Variants in SH3RF1 observed in about 807,000 individuals in gnomAD.
SH3RF1 encodes the protein E3 ubiquitin-protein ligase SH3RF1.
Under a neutral mutation model 74.0 loss-of-function variants are expected in SH3RF1, and 32 were observed. The observed-to-expected ratio is 0.43, with a 90% CI of 0.33 to 0.58. The LOEUF (loss-of-function observed/expected upper bound fraction) is 0.58. SH3RF1 is among the 20% of genes least tolerant of loss of function. The pLI is 0.05. For synonymous variants in SH3RF1, 396 were observed against 439.6 expected (o/e 0.90, Z 1.24); for missense variants, 954 against 1,130.9 (o/e 0.84, Z 2.24).
intron 2 of SH3RF1, among the ~76,000 whole-genome samples, chr4:169,262,701 C>T (rs1231814927): frequency 6.6e-6 from 1 of 151,982 alleles, no homozygotes; most frequent in African/African-American, 2.4e-5. Flanking sequence ...AACACTTGAC[C>T]CCAGAAAGCT....
At chr4:169,101,869 C>A (rs1733042802) in intron 11 of SH3RF1, among the ~76,000 whole-genome samples, 1 of 151,960 alleles carries the variant, frequency 6.6e-6, no homozygotes, top group Non-Finnish European at 1.5e-5. Flanking sequence ...TGATAACTGC[C>A]AAGGTACAAT....
chr4:169,119,104 T>TA (rs1733394004), intron 8 of SH3RF1, among the ~76,000 whole-genome samples: 1 of 151,720 alleles, frequency 6.6e-6, no homozygotes, highest in South Asian at 2.1e-4. Context: ...AACAAACAGA[T>TA]AGATTTTTTT....
intron 2 of SH3RF1, among the ~76,000 whole-genome samples, chr4:169,215,700 T>C (rs1443579115): frequency 6.6e-6 from 1 of 152,204 alleles, no homozygotes; most frequent in African/African-American, 2.4e-5. Context: ...CTCAGAAACA[T>C]CAAATTCACA....
At chr4:169,185,434 A>AAAAC (rs756424942) in intron 2 of SH3RF1, among the ~76,000 whole-genome samples, 1 of 152,218 alleles carries the variant, frequency 6.6e-6, no homozygotes, top group Non-Finnish European at 1.5e-5. Flanking sequence ...CAGAAAAAAC[A>AAAAC]AAACAAACAA....
intron 2 of SH3RF1, among the ~76,000 whole-genome samples, chr4:169,231,670 T>C (rs933262635): frequency 1.3e-5 from 2 of 152,202 alleles, no homozygotes; most frequent in Non-Finnish European, 2.9e-5. Flanking sequence ...AAAGCTGCTA[T>C]AGAATACTCA....
At chr4:169,138,080 G>A (rs895530431) in intron 4 of SH3RF1, among the ~76,000 whole-genome samples, 1 of 152,194 alleles carries the variant, frequency 6.6e-6, no homozygotes, top group Non-Finnish European at 1.5e-5. Flanking sequence ...TGTGTTTAGG[G>A]ATGAAAATGA....
chr4:169,226,435 A>G (rs1476275287), intron 2 of SH3RF1, among the ~76,000 whole-genome samples: 2 of 152,140 alleles, frequency 1.3e-5, no homozygotes, highest in African/African-American at 4.8e-5. Flanking sequence ...AGCAGTGAAA[A>G]GCAAAATACA....
intron 2 of SH3RF1, among the ~76,000 whole-genome samples, chr4:169,246,490 A>G (rs916035079): frequency 5.3e-5 from 8 of 152,254 alleles, no homozygotes; most frequent in African/African-American, 1.7e-4. Context: ...CTTAATGGCC[A>G]AAAAATTCAC....
intron 11 of SH3RF1, among the ~76,000 whole-genome samples, chr4:169,103,316 T>C (rs1733073927): frequency 1.3e-5 from 2 of 152,112 alleles, no homozygotes; most frequent in Admixed American, 6.5e-5. Context: ...AATCTGTAGA[T>C]GAATCCTACC....
At chr4:169,119,941 C>A (rs146684405) in intron 8 of SH3RF1, among the ~76,000 whole-genome samples, 2 of 152,142 alleles carry the variant, frequency 1.3e-5, no homozygotes, top group Admixed American at 1.3e-4. Context: ...TCCTCAGTGA[C>A]CAAAAGCTGA....
In SH3RF1 at chr4:169,156,662, T is replaced by C. The variant is rs764001379; in HGVS notation, c.411A>G (p.Pro137=). 6.8e-6 allele frequency: 11 copies of C among 1,611,448 alleles called. No individual in the cohort carries two copies. In the Admixed American group the frequency reaches 1.0e-4, roughly 15 times the overall value. ...SPPVRGIPQL[P]CAKALYNYEG... ...CATAGTTGTATAATGCTTTGGCACA[T>C]GGTAACTGAGGTATACCCTTTAAAA... is the stretch of plus-strand genomic sequence containing the variant. The change falls in exon 3 of 12, where the codon CCA becomes CCG. Residue 137 remains proline, a synonymous_variant. Coordinates refer to ENST00000284637, the MANE Select transcript of SH3RF1 (RefSeq NM_020870.4).
Position 169,107,148 on chromosome 4 carries a change from G to T in SH3RF1, c.2197C>A (p.Arg733Ser). The T allele has an allele frequency of 5.0e-6, 8 of 1,594,208 alleles. No individual in the cohort carries two copies. The highest frequency in any genetic ancestry group is 6.8e-6 in the Non-Finnish European group (8 of 1,170,732). The stretch of plus-strand genomic sequence containing the variant: ...GTGGGCGATGCTGGAGGAGACACGC[G>T]GGGCTTCCGTTTAGTGGAGGCGCCA... ...LSGASTKRKP[R>S]VSPPASPTLE... Residue 733 changes from arginine (R) to serine (S), a missense_variant, in exon 11 of 12, where the codon CGC becomes AGC. Around this residue, in one of 3 missense-constraint regions of SH3RF1, gnomAD observed 854 missense variants for 962.5 expected, o/e 0.89. Transcript: ENST00000284637.
intron 10 of SH3RF1, among the ~76,000 whole-genome samples, chr4:169,115,511 C>A (rs193136333): frequency 4.6e-5 from 7 of 152,264 alleles, no homozygotes; most frequent in Non-Finnish European, 8.8e-5. Flanking sequence ...GCCTGAGGAT[C>A]TGTCACTGTC....
At chr4:169,208,490 A>G (rs1457688595) in intron 2 of SH3RF1, among the ~76,000 whole-genome samples, 1 of 152,236 alleles carries the variant, frequency 6.6e-6, no homozygotes, top group Non-Finnish European at 1.5e-5. Flanking sequence ...AATGTTTCTT[A>G]AAAATATGAG....
At chr4:169,252,405 A>G (rs1374915008) in intron 2 of SH3RF1, among the ~76,000 whole-genome samples, 1 of 152,236 alleles carries the variant, frequency 6.6e-6, no homozygotes, top group Non-Finnish European at 1.5e-5. Flanking sequence ...CCATAGGATC[A>G]GCTTTTAAAA....
intron 5 of SH3RF1, among the ~76,000 whole-genome samples, chr4:169,135,368 C>A (rs942616244): frequency 3.3e-5 from 5 of 151,964 alleles, no homozygotes; most frequent in Admixed American, 6.6e-5. Flanking sequence ...GAAAAAAAAA[C>A]CACCATAGCT....
Position 169,116,484 on chromosome 4 carries a change from T to C in SH3RF1, c.1924A>G (p.Thr642Ala), listed in dbSNP as rs1378446878. ...CTGATACTGATGGCAGCAGTGTGCG[T>C]GGCTGAGCCTGGCATCAGAGGCGCA... ...QPAPLMPGSA[T>A]HTAAISISRA... Residue 642 changes from threonine (T) to alanine (A), a missense_variant, in exon 10 of 12, where the codon ACG (threonine) becomes GCG (alanine). Transcript: ENST00000284637. 1 of 1,613,632 alleles carries C rather than the reference T, an allele frequency of 6.2e-7. No homozygotes were observed. Among genetic ancestry groups the C allele is most frequent in the East Asian group, 2.2e-5 (1 of 44,884 alleles).
At chr4:169,178,512 T>C (rs751663472) in intron 2 of SH3RF1, among the ~76,000 whole-genome samples, 1 of 152,082 alleles carries the variant, frequency 6.6e-6, no homozygotes, top group Non-Finnish European at 1.5e-5. Context: ...AAGCCAAGAC[T>C]TGGGCCCAGA....
At chr4:169,210,312 C>G (rs535232645) in intron 2 of SH3RF1, among the ~76,000 whole-genome samples, 1 of 152,238 alleles carries the variant, frequency 6.6e-6, no homozygotes, top group East Asian at 1.9e-4. Context: ...CATTTGAAAA[C>G]TGAACTTTAC....
Sources: gnomAD v4.1 joint callset for allele counts (sites outside exome capture counted in the v4.1 genomes callset) on GRCh38, gnomAD v4.1.1 for gene constraint, gnomAD v4.1.1 regional missense constraint, MANE v1.5 for transcripts, NCBI Gene and HGNC (gene_info 2026-07-23, HGNC 2026-07-21) for gene names.